OSBPL1A: variants seen among roughly 807,000 people sequenced by gnomAD.
OSBPL1A encodes oxysterol binding protein like 1A, also known as oxysterol-binding protein-related protein 1.
In OSBPL1A, 80 loss-of-function variants were observed where a neutral mutation model predicts 137.1. That is an observed-to-expected ratio of 0.58 (90% CI 0.49 to 0.70). The LOEUF is 0.70. Among genes scored for constraint, OSBPL1A ranks in the 30% least tolerant of loss-of-function variants. The pLI is 0.00. For missense variants in OSBPL1A, 970 were observed against 1,129.4 expected, an observed-to-expected ratio of 0.86 and a Z score of 2.02; for synonymous variants, 365 against 389.7, an observed-to-expected ratio of 0.94 and a Z score of 0.75.
intron 15 of OSBPL1A, among the ~76,000 whole-genome samples, chr18:24,270,475 G>A (rs1453973118): frequency 6.6e-6 from 1 of 152,132 alleles, no homozygotes. Context: ...AACCTTTAAA[G>A]GGTTTTTAAA....
intron 18 of OSBPL1A, among the ~76,000 whole-genome samples, chr18:24,184,160 T>C (rs2086681942): frequency 6.6e-6 from 1 of 152,184 alleles, no homozygotes; most frequent in Admixed American, 6.5e-5. Flanking sequence ...TTCAAGTAGA[T>C]TTCTCTAAAG....
At chr18:24,340,533 G>A (rs1480770310) in intron 5 of OSBPL1A, among the ~76,000 whole-genome samples, 3 of 151,934 alleles carry the variant, frequency 2.0e-5, no homozygotes, top group Non-Finnish European at 4.4e-5. Context: ...AGCCAGGCAC[G>A]GTGGCTCAGG....
intron 23 of OSBPL1A, 159 bp from the exon 24 acceptor site, chr18:24,170,612 A>G: frequency 1.4e-6 from 1 of 694,756 alleles, no homozygotes; most frequent in Admixed American, 2.7e-5. Flanking sequence ...TCAGGGTGGC[A>G]TCGCCATAGA....
At chr18:24,270,851 C>A (rs1334018690) in intron 15 of OSBPL1A, among the ~76,000 whole-genome samples, 1 of 152,034 alleles carries the variant, frequency 6.6e-6, no homozygotes, top group Non-Finnish European at 1.5e-5. Flanking sequence ...AGTCTTTGAA[C>A]CTAATTAAAA....
chr18:24,368,218 C>A, intron 3 of OSBPL1A, 69 bp downstream of exon 3: 1 of 1,288,870 alleles, frequency 7.8e-7, no homozygotes, highest in Non-Finnish European at 1.1e-6. Flanking sequence ...TTTTCTAAGA[C>A]TTTCATCTTA....
intron 15 of OSBPL1A, among the ~76,000 whole-genome samples, chr18:24,260,295 C>G (rs1212512152): frequency 6.6e-6 from 1 of 152,040 alleles, no homozygotes; most frequent in Non-Finnish European, 1.5e-5. Flanking sequence ...ACCATCTAAC[C>G]CAGGAATCCT....
intron 17 of OSBPL1A, among the ~76,000 whole-genome samples, chr18:24,211,758 G>A (rs1209613244): frequency 6.6e-6 from 1 of 152,012 alleles, no homozygotes; most frequent in Non-Finnish European, 1.5e-5. Flanking sequence ...GAGGTCAGGA[G>A]TTCGAGGCCA....
intron 15 of OSBPL1A, among the ~76,000 whole-genome samples, chr18:24,261,168 G>A (rs563453167): frequency 1.8e-4 from 27 of 152,192 alleles, no homozygotes; most frequent in African/African-American, 6.3e-4. Flanking sequence ...AAGTGCATAC[G>A]ATATGATTCC....
chr18:24,337,375 TTAACATAACATAACA>T (rs71375133), intron 5 of OSBPL1A, among the ~76,000 whole-genome samples: 19 of 141,408 alleles, frequency 1.3e-4, no homozygotes, highest in East Asian at 1.2e-3. Context: ...AAACATAACA[TTAACATAACATAACA>T]TAACATAACA....
At chr18:24,377,578 A>G (rs774589402) in intron 1 of OSBPL1A, 43 bp from the exon 2 acceptor site, 1 of 1,533,060 alleles carries the variant, frequency 6.5e-7, no homozygotes, top group East Asian at 2.3e-5. Flanking sequence ...TTAAGAACAT[A>G]ATTAGCTTTT....
intron 16 of OSBPL1A, among the ~76,000 whole-genome samples, chr18:24,228,553 A>G (rs2088168761): frequency 6.6e-6 from 1 of 152,260 alleles, no homozygotes. Flanking sequence ...GTCCCTGCGC[A>G]TGGCCCAGCA....
intron 7 of OSBPL1A, among the ~76,000 whole-genome samples, chr18:24,321,500 G>A (rs2090856974): frequency 6.6e-6 from 1 of 152,140 alleles, no homozygotes; most frequent in Admixed American, 6.6e-5. Flanking sequence ...GTTTCACCAG[G>A]TTAGTCTCAA....
At chr18:24,390,121 C>A (rs1766264826) in intron 1 of OSBPL1A, among the ~76,000 whole-genome samples, 2 of 152,082 alleles carry the variant, frequency 1.3e-5, no homozygotes, top group Non-Finnish European at 2.9e-5. Flanking sequence ...AAGTTAAAAT[C>A]TCAGACATCC....
At chr18:24,353,707 G>T (rs1444156876) in intron 4 of OSBPL1A, among the ~76,000 whole-genome samples, 3 of 151,622 alleles carry the variant, frequency 2.0e-5, no homozygotes, top group African/African-American at 7.3e-5. Context: ...AGAAAATGTG[G>T]CACATATACA....
chr18:24,389,037 C>T (rs868736882), intron 1 of OSBPL1A, among the ~76,000 whole-genome samples: 1 of 151,990 alleles, frequency 6.6e-6, no homozygotes, highest in Non-Finnish European at 1.5e-5. Context: ...AACATTCTTC[C>T]AAATCATGAG....
intron 16 of OSBPL1A, among the ~76,000 whole-genome samples, chr18:24,227,513 T>C (rs1248476177): frequency 6.6e-6 from 1 of 152,204 alleles, no homozygotes; most frequent in East Asian, 1.9e-4. Context: ...TAAACAGATG[T>C]CTGAAAACAT....
intron 23 of OSBPL1A, among the ~76,000 whole-genome samples, chr18:24,171,141 TCTC>T (rs1233281676): frequency 6.6e-6 from 1 of 151,416 alleles, no homozygotes; most frequent in Admixed American, 6.6e-5. Flanking sequence ...TTCAAGCAAT[TCTC>T]CTGCCTCAGC....
At chr18:24,174,468 T>A (rs1454571326) in intron 21 of OSBPL1A, among the ~76,000 whole-genome samples, 1 of 152,198 alleles carries the variant, frequency 6.6e-6, no homozygotes, top group African/African-American at 2.4e-5. Flanking sequence ...GTATTTCAGA[T>A]TTTGGAATTT....
chr18:24,343,110 T>C (rs1288347512), intron 4 of OSBPL1A, among the ~76,000 whole-genome samples: 1 of 151,910 alleles, frequency 6.6e-6, no homozygotes, highest in African/African-American at 2.4e-5. Context: ...GTATCCAGAA[T>C]ATATAAAGAA....
Sources: gnomAD v4.1 joint callset for allele counts (sites outside exome capture counted in the v4.1 genomes callset) on GRCh38, gnomAD v4.1.1 for gene constraint, MANE v1.5 for transcripts, NCBI Gene and HGNC (gene_info 2026-07-23, HGNC 2026-07-21) for gene names.